Variants in OSBP2 observed in about 807,000 individuals in gnomAD.
OSBP2 encodes the protein oxysterol-binding protein 2.
Under a neutral mutation model 96.0 loss-of-function variants are expected in OSBP2, and 66 were observed. The observed-to-expected ratio is 0.69, with a 90% CI of 0.56 to 0.84. The LOEUF (loss-of-function observed/expected upper bound fraction) is 0.84. Among genes scored for constraint, OSBP2 ranks in the 40% least tolerant of loss-of-function variants. The pLI, the probability that OSBP2 is intolerant of heterozygous loss-of-function variation, is 0.00. For synonymous variants in OSBP2, 525 were observed against 520.9 expected, an observed-to-expected ratio of 1.01 and a Z score of -0.11; for missense variants, 1,038 against 1,222.7, an observed-to-expected ratio of 0.85 and a Z score of 2.25.
intron 1 of OSBP2, among the ~76,000 whole-genome samples, chr22:30,709,116 A>AAAAT (rs902850383): frequency 2.0e-5 from 3 of 152,002 alleles, no homozygotes; most frequent in African/African-American, 7.2e-5. Context: ...TAATAATAAT[A>AAAAT]AAATAAATAA....
intron 2 of OSBP2, among the ~76,000 whole-genome samples, chr22:30,866,993 C>A (rs1356877428): frequency 6.6e-6 from 1 of 152,210 alleles, no homozygotes; most frequent in Non-Finnish European, 1.5e-5. Flanking sequence ...TGTGTCACAG[C>A]ATCCTTGTCT....
chr22:30,697,521 C>T (rs2089067906), intron 1 of OSBP2, among the ~76,000 whole-genome samples: 1 of 152,174 alleles, frequency 6.6e-6, no homozygotes, highest in South Asian at 2.1e-4. Flanking sequence ...TCATGATCTG[C>T]CCGTCTCAGC....
chr22:30,906,257 G>A lies in OSBP2; in HGVS notation c.2669G>A (p.Gly890Glu). Residue 890 changes from glycine to glutamate, a missense_variant, in exon 14 of 14, where the codon GGG becomes GAG. Gly to Glu is a moderately conservative substitution (Grantham distance 98). This residue lies in a region of OSBP2 where 737 missense variants were observed against 913.3 expected (regional missense o/e 0.81). Transcript: ENST00000332585. ...GAGAAGAGGCTGGATCCGCTGACCG[G>A]GGAGATGGCCTGTGTGTACAAGGGC... ...WFEKRLDPLT[G>E]EMACVYKGGY... 1 of 1,614,210 alleles carries A rather than the reference G, an allele frequency of 6.2e-7. No homozygotes were observed. The highest frequency in any genetic ancestry group is 8.5e-7 in the Non-Finnish European group (1 of 1,180,030).
intron 2 of OSBP2, among the ~76,000 whole-genome samples, chr22:30,745,489 A>G (rs1032725603): frequency 2.0e-5 from 3 of 151,922 alleles, no homozygotes; most frequent in African/African-American, 7.3e-5. Context: ...CTTAAGCCCC[A>G]TTTCTACTAA....
chr22:30,745,539 C>T lies in OSBP2; in HGVS notation c.853+4170C>T, dbSNP rs185790779. 3.2e-3 allele frequency among the ~76,000 whole-genome samples: 490 copies of T among 151,864 alleles called. 3 individuals carry two copies. Among genetic ancestry groups the T allele is most frequent in the African/African-American group, 0.011 (471 of 41,448 alleles). On this transcript the variant is annotated intron_variant, in intron 2 of 13. Transcript: ENST00000332585. ...TAAATTAGCCAGATGTGGTAGCAGA[C>T]GCCTGTAATCCCAGCTACTCAAGAG...
chr22:30,709,579 G>A (rs2089311252), intron 1 of OSBP2, among the ~76,000 whole-genome samples: 1 of 151,226 alleles, frequency 6.6e-6, no homozygotes, highest in Admixed American at 6.6e-5. Flanking sequence ...GCAGTGGTAT[G>A]ATTTCGGCTT....
intron 2 of OSBP2, among the ~76,000 whole-genome samples, chr22:30,775,174 C>T (rs988555716): frequency 2.0e-5 from 3 of 152,162 alleles, no homozygotes; most frequent in African/African-American, 7.2e-5. Flanking sequence ...GGAAACCCTG[C>T]ACCCACTAAG....
rs562975362 is a variant in OSBP2, at chr22:30,699,970, T to TC, written c.644+4417_644+4418insC. Among the ~76,000 whole-genome samples the TC allele has an allele frequency of 1.8e-4, 27 of 151,482 alleles. No homozygotes were observed. In the East Asian group the frequency reaches 4.8e-3, roughly 27 times the overall value. On this transcript the variant is annotated intron_variant, in intron 1 of 13. Coordinates refer to ENST00000332585, the MANE Select transcript of OSBP2 (RefSeq NM_030758.4). ...AAGGCAGAAGATTCTTTTTTTCTTT[T>TC]TTTTTTTTTTGAGATGGAGTCTCGT...
chr22:30,866,514 C>T (rs5753360), intron 2 of OSBP2, among the ~76,000 whole-genome samples: 46,628 of 151,944 alleles, frequency 0.31, 7,778 homozygotes, highest in South Asian at 0.48. Flanking sequence ...CCAAGGCAGG[C>T]GGATCACAGG....
rs56875088 is a variant in OSBP2, at chr22:30,856,373, C to CTTTTTTTT, written c.854-14033_854-14026dup. Among the ~76,000 whole-genome samples, 237 of 101,388 alleles carry CTTTTTTTT rather than the reference C, an allele frequency of 2.3e-3. 9 individuals carry two copies. Among genetic ancestry groups the CTTTTTTTT allele is most frequent in the Non-Finnish European group, 2.8e-3 (138 of 50,110 alleles). The allele number at this position is 101,388 out of a possible 152,430, so 66.5% of individuals were successfully genotyped here. A position where few individuals can be genotyped will look rare whatever the true frequency, so the allele number is the denominator to read the frequency against. On this transcript the variant is annotated intron_variant, in intron 2 of 13. Transcript: ENST00000332585. Reference sequence around the variant, plus strand: ...CTTGGCAGTTGGAAACAGAGCCCTTCTTTTTTTTTTTTTTTTTTTTTTTTT... The same window carrying CTTTTTTTT: ...CTTGGCAGTTGGAAACAGAGCCCTTCTTTTTTTTTTTTTTTTTTTTTTTTTTTTTTTTT...
rs148312949 is a variant in OSBP2, at chr22:30,751,331, G to A, written c.853+9962G>A. Among the ~76,000 whole-genome samples, 1,283 of 151,338 alleles carry A rather than the reference G, an allele frequency of 8.5e-3. 21 individuals are homozygous for A. The highest frequency in any genetic ancestry group is 0.027 in the African/African-American group (1,128 of 41,326). On this transcript the variant is annotated intron_variant, in intron 2 of 13. Coordinates refer to ENST00000332585, the MANE Select transcript of OSBP2 (RefSeq NM_030758.4). ...AAATATGTATGTGTTGTGTGTGTGT[G>A]TATATATATATGTATATATATATAT...
intron 2 of OSBP2, among the ~76,000 whole-genome samples, chr22:30,784,690 C>T (rs1466164666): frequency 6.6e-6 from 1 of 152,064 alleles, no homozygotes; most frequent in Non-Finnish European, 1.5e-5. Flanking sequence ...TTTGAATACT[C>T]GTCTTCACTG....
intron 12 of OSBP2, among the ~76,000 whole-genome samples, chr22:30,896,156 A>G (rs1192482092): frequency 1.3e-5 from 2 of 151,614 alleles, no homozygotes; most frequent in Admixed American, 1.3e-4. Context: ...AGTAGCTGAG[A>G]TTACAGGGGC....
rs969830348 is a variant in OSBP2 at position 30,695,382 on chromosome 22, C to G, written c.473C>G (p.Ala158Gly). ...KPLPLLRPGQAKTPLGVPMSG... is the reference protein window; with the variant it reads ...KPLPLLRPGQGKTPLGVPMSG... ...CTGCCTCTTCTGCGACCAGGACAGG[C>G]GAAGACTCCTCTTGGGGTTCCAATG... is the stretch of plus-strand genomic sequence containing the variant. Residue 158 changes from alanine to glycine, a missense_variant, in exon 1 of 14, where the codon GCG becomes GGG. Coordinates refer to ENST00000332585, the MANE Select transcript of OSBP2 (RefSeq NM_030758.4). 7.4e-6 allele frequency: 12 copies of G among 1,613,828 alleles called. No individual in the cohort carries two copies. The African/African-American group carries it at 1.3e-4, about 18-fold the overall frequency.
At chr22:30,726,155 C>T (rs967550510) in intron 1 of OSBP2, among the ~76,000 whole-genome samples, 10 of 152,136 alleles carry the variant, frequency 6.6e-5, no homozygotes, top group African/African-American at 2.2e-4. Flanking sequence ...GAATGCTGTG[C>T]TTCATAAATT....
chr22:30,762,723 C>T (rs1484672416), intron 2 of OSBP2, among the ~76,000 whole-genome samples: 1 of 152,168 alleles, frequency 6.6e-6, no homozygotes, highest in Non-Finnish European at 1.5e-5. Flanking sequence ...CCCTATTTTC[C>T]TCAAGTCTGT....
intron 1 of OSBP2, among the ~76,000 whole-genome samples, chr22:30,719,382 T>C (rs2089510824): frequency 6.6e-6 from 1 of 151,968 alleles, no homozygotes; most frequent in Non-Finnish European, 1.5e-5. Flanking sequence ...GTGCCATGAA[T>C]GGGAAGCTGA....
At chr22:30,858,566 C>G (rs1400544687) in intron 2 of OSBP2, among the ~76,000 whole-genome samples, 1 of 151,912 alleles carries the variant, frequency 6.6e-6, no homozygotes, top group Non-Finnish European at 1.5e-5. Context: ...AATACCTACA[C>G]ACTACCTTAC....
chr22:30,804,594 A>C (rs948717595), intron 2 of OSBP2, among the ~76,000 whole-genome samples: 3 of 152,252 alleles, frequency 2.0e-5, no homozygotes, highest in African/African-American at 7.2e-5. Context: ...AAAGCAGACC[A>C]CTTGGTACCC....
Sources: allele counts gnomAD v4.1 joint callset (sites outside exome capture counted in the v4.1 genomes callset), GRCh38; gene constraint gnomAD v4.1.1; regional missense constraint gnomAD v4.1.1; transcripts MANE v1.5; gene names NCBI Gene and HGNC (gene_info 2026-07-23, HGNC 2026-07-21).